Variants in RAB18 observed in about 807,000 individuals in gnomAD.
The protein encoded by RAB18 is ras-related protein Rab-18.
RAB18 carries 10 observed loss-of-function variants against 28.5 expected under a neutral mutation model. The observed-to-expected ratio is 0.35, with a 90% confidence interval of 0.22 to 0.60. The LOEUF (loss-of-function observed/expected upper bound fraction) is 0.60. Ranked by LOEUF, RAB18 falls within the 20% of genes least tolerant of loss-of-function variation. The pLI is 0.78. For missense variants in RAB18, 188 were observed against 244.2 expected (o/e 0.77, Z 1.53); for synonymous variants, 93 against 86.9 (o/e 1.07, Z -0.39).
intron 3 of RAB18, among the ~76,000 whole-genome samples, chr10:27,530,586 A>G (rs1258902874): frequency 6.6e-6 from 1 of 151,960 alleles, no homozygotes; most frequent in Non-Finnish European, 1.5e-5. Flanking sequence ...ATACGTTCTC[A>G]TAATGATTTG....
intron 2 of RAB18, among the ~76,000 whole-genome samples, chr10:27,512,047 C>G (rs759935187): frequency 2.5e-4 from 38 of 151,958 alleles, no homozygotes; most frequent in Non-Finnish European, 5.3e-4. Flanking sequence ...GCCTCAGCCT[C>G]CCAAGTAGCT....
rs1834998053 is a variant in RAB18 at position 27,540,402 on chromosome 10, T to C, written c.*2351T>C. On this transcript the variant is annotated 3_prime_UTR_variant, in exon 7 of 7. Transcript: ENST00000356940. ...CTGAGCCCATACTCTTCACCATCGC[T>C]CATTTTACAATGGGTAGTTAGTTAC... 4.4e-6 allele frequency: 2 copies of C among 453,990 alleles called. No individual in the cohort carries two copies. The highest frequency in any genetic ancestry group is 2.3e-5 in the Admixed American group (1 of 42,558). 28.1% of individuals were successfully genotyped at this position (453,990 alleles called of 1,614,324 possible). A position where few individuals can be genotyped will look rare whatever the true frequency, so the allele number is the denominator to read the frequency against.
At chr10:27,509,102 A>G (rs2138968898) in intron 1 of RAB18, among the ~76,000 whole-genome samples, 1 of 152,216 alleles carries the variant, frequency 6.6e-6, no homozygotes, top group Admixed American at 6.5e-5. Flanking sequence ...TTTTGCTTTT[A>G]TCCTTTCTTT....
intron 2 of RAB18, among the ~76,000 whole-genome samples, chr10:27,513,336 A>G (rs998740114): frequency 6.6e-6 from 1 of 152,204 alleles, no homozygotes; most frequent in East Asian, 1.9e-4. Context: ...CGCCCAGCCC[A>G]CACATGAGTT....
chr10:27,505,279 C>T (rs1837794175), intron 1 of RAB18: 1 of 425,966 alleles, frequency 2.3e-6, no homozygotes, highest in South Asian at 1.7e-5. Flanking sequence ...GTCATTCTTG[C>T]CATCTGATTA....
intron 2 of RAB18, among the ~76,000 whole-genome samples, chr10:27,523,265 CTTTTTTTTTTT>C (rs34006982): frequency 5.0e-5 from 4 of 79,520 alleles, no homozygotes; most frequent in African/African-American, 1.0e-4. Context: ...TTTTCTTCTT[CTTTTTTTTTTT>C]TTTTTTTTTT....
chr10:27,517,984 T>C (rs1405268817), intron 2 of RAB18, among the ~76,000 whole-genome samples: 1 of 152,160 alleles, frequency 6.6e-6, no homozygotes, highest in Non-Finnish European at 1.5e-5. Flanking sequence ...CTTTAAGTTT[T>C]AGGGTACATG....
intron 6 of RAB18, 97 bp from the exon 7 acceptor site, chr10:27,537,779 G>A: frequency 2.9e-6 from 3 of 1,043,850 alleles, no homozygotes; most frequent in Non-Finnish European, 4.3e-6. Flanking sequence ...TTAATATATT[G>A]TAGGCTGATA....
rs1834960290 is a variant in RAB18 at position 27,538,930 on chromosome 10, C to T, written c.*879C>T. 2.2e-6 allele frequency: 1 copy of T among 452,894 alleles called. No homozygotes were observed. The highest frequency in any genetic ancestry group is 2.0e-5 in the African/African-American group (1 of 49,850). The allele number at this position is 452,894 out of a possible 1,614,324, so 28.1% of individuals were successfully genotyped here. On this transcript the variant is annotated 3_prime_UTR_variant, in exon 7 of 7. Coordinates refer to ENST00000356940, the MANE Select transcript of RAB18 (RefSeq NM_021252.5). ...TAGCTTGTGTAATGTTGATGAATAT[C>T]TGTATCTTACGGCTTCCATAATGGC...
At chr10:27,531,285 C>G (rs1451484056) in intron 3 of RAB18, among the ~76,000 whole-genome samples, 1 of 152,002 alleles carries the variant, frequency 6.6e-6, no homozygotes, top group Non-Finnish European at 1.5e-5. Context: ...TGAAACGTTA[C>G]TTTCCTCTTA....
At position 27,540,081 on chromosome 10, in the gene RAB18, G is replaced by C. The variant is rs750141100; in HGVS notation, c.*2030G>C. The C allele has an allele frequency of 8.8e-6, 4 of 453,992 alleles. No homozygotes were observed. Among genetic ancestry groups the C allele is most frequent in the South Asian group, 6.2e-5 (4 of 64,452 alleles). 28.1% of individuals were successfully genotyped at this position (453,992 alleles called of 1,614,324 possible). On this transcript the variant is annotated 3_prime_UTR_variant, in exon 7 of 7. Transcript: ENST00000356940. Reference sequence around the variant, plus strand: ...GGTCTTTTGCAGATGGTACAAATTAGAACAATTAGAATATAGTATTTTGAG... The same window carrying C: ...GGTCTTTTGCAGATGGTACAAATTACAACAATTAGAATATAGTATTTTGAG...
chr10:27,518,218 T>C (rs559970272), intron 2 of RAB18, among the ~76,000 whole-genome samples: 1 of 152,324 alleles, frequency 6.6e-6, no homozygotes, highest in East Asian at 1.9e-4. Flanking sequence ...GGATTTTGTA[T>C]GAATACTAAT....
At position 27,541,368 on chromosome 10, in the gene RAB18, TCTC is replaced by T. The variant is rs1835025049; in HGVS notation, c.*3321_*3323del. 1.4e-5 allele frequency: 6 copies of T among 444,324 alleles called. No homozygotes were observed. The highest frequency in any genetic ancestry group is 8.1e-5 in the South Asian group (5 of 61,632). The allele number at this position is 444,324 out of a possible 1,614,324, so 27.5% of individuals were successfully genotyped here. On this transcript the variant is annotated 3_prime_UTR_variant, in exon 7 of 7. Coordinates refer to ENST00000356940, the MANE Select transcript of RAB18 (RefSeq NM_021252.5). ...TCTTTTTTTTTTTTTTTAATTTTTC[TCTC>T]CTCAGTTGGGAACATCTATCATGCT...
At position 27,506,877 on chromosome 10, in the gene RAB18, TAC is replaced by T. The variant is rs369890890; in HGVS notation, c.68+2441_68+2442del. 6.0e-4 allele frequency among the ~76,000 whole-genome samples: 91 copies of T among 152,326 alleles called. 1 individual carries two copies. The East Asian group carries it at 0.016, about 27-fold the overall frequency. The stretch of plus-strand genomic sequence containing the variant: ...AATCTGTTTTAAACTTTTTCCTCAA[TAC>T]GTAGCAATGGATTATCAACTGCTCG... On this transcript the variant is annotated intron_variant, in intron 1 of 6. Coordinates refer to ENST00000356940, the MANE Select transcript of RAB18 (RefSeq NM_021252.5).
At chr10:27,505,295 A>G (rs1837794599) in intron 1 of RAB18, 1 of 411,146 alleles carries the variant, frequency 2.4e-6, no homozygotes, top group Non-Finnish European at 4.9e-6. Context: ...GATTATGAGT[A>G]GGTTATGTTC....
intron 1 of RAB18, chr10:27,504,673 C>G: frequency 1.4e-6 from 1 of 733,390 alleles, no homozygotes; most frequent in South Asian, 1.4e-5. Flanking sequence ...GTCGCTCTCC[C>G]TCCTGTAGCG....
chr10:27,529,711 GTTA>G (rs1253144823), intron 3 of RAB18, among the ~76,000 whole-genome samples: 2 of 151,998 alleles, frequency 1.3e-5, no homozygotes, highest in Non-Finnish European at 2.9e-5. Context: ...TTACAAAGAT[GTTA>G]TTATACCTAC....
At position 27,540,864 on chromosome 10, in the gene RAB18, G is replaced by A; in HGVS notation, c.*2813G>A. 1 of 454,064 alleles carries A rather than the reference G, an allele frequency of 2.2e-6. No homozygotes were observed. The highest frequency in any genetic ancestry group is 4.4e-6 in the Non-Finnish European group (1 of 226,768). The allele number at this position is 454,064 out of a possible 1,614,324, so 28.1% of individuals were successfully genotyped here. Reference sequence around the variant, plus strand: ...CGTAGCTTGCATGGTCAAGAGACATGATTCTCTACTAAGGGTGGGGCTAGC... The same window carrying A: ...CGTAGCTTGCATGGTCAAGAGACATAATTCTCTACTAAGGGTGGGGCTAGC... On this transcript the variant is annotated 3_prime_UTR_variant, in exon 7 of 7. Transcript: ENST00000356940.
intron 2 of RAB18, among the ~76,000 whole-genome samples, chr10:27,519,315 A>T (rs1834501444): frequency 1.3e-5 from 2 of 152,102 alleles, no homozygotes; most frequent in African/African-American, 2.4e-5. Flanking sequence ...TCTATAAAAA[A>T]CATACAACTA....
Sources: allele counts gnomAD v4.1 joint callset (sites outside exome capture counted in the v4.1 genomes callset), GRCh38; gene constraint gnomAD v4.1.1; transcripts MANE v1.5; gene names NCBI Gene and HGNC (gene_info 2026-07-23, HGNC 2026-07-21).